Variants in FGD4 observed in about 807,000 individuals in gnomAD.
FGD4 encodes the protein FYVE, RhoGEF and PH domain containing 4, also known as FYVE, RhoGEF and PH domain-containing protein 4.
Under a neutral mutation model 102.0 loss-of-function variants are expected in FGD4, and 42 were observed. That is an observed-to-expected ratio of 0.41 (90% CI 0.32 to 0.53). FGD4 has a LOEUF of 0.53. Ranked by LOEUF, FGD4 falls within the 20% of genes least tolerant of loss-of-function variation. The pLI is 0.21. For synonymous variants in FGD4, 380 were observed against 375.7 expected (o/e 1.01, Z -0.13); for missense variants, 902 against 1,078.2 (o/e 0.84, Z 2.29).
intron 1 of FGD4, among the ~76,000 whole-genome samples, chr12:32,419,905 C>T (rs976085251): frequency 3.3e-5 from 5 of 151,558 alleles, no homozygotes; most frequent in African/African-American, 4.9e-5. Context: ...CTCCCAAAAG[C>T]ACAAAATCTG....
At chr12:32,598,868 A>G (rs971561091) in intron 5 of FGD4, among the ~76,000 whole-genome samples, 1 of 152,156 alleles carries the variant, frequency 6.6e-6, no homozygotes, top group African/African-American at 2.4e-5. Flanking sequence ...CTGACCTTTC[A>G]TTGTCATCCT....
At chr12:32,413,462 G>A (rs1298178880) in intron 1 of FGD4, among the ~76,000 whole-genome samples, 1 of 152,086 alleles carries the variant, frequency 6.6e-6, no homozygotes, top group Non-Finnish European at 1.5e-5. Context: ...TAGCAGTATT[G>A]GTAATTTTCA....
At chr12:32,501,218 A>G (rs537977297) in intron 1 of FGD4, among the ~76,000 whole-genome samples, 1 of 152,304 alleles carries the variant, frequency 6.6e-6, no homozygotes, top group African/African-American at 2.4e-5. Context: ...CACCTGGCTA[A>G]TTTTTAAAAA....
chr12:32,467,122 A>C (rs1370226364), intron 1 of FGD4, among the ~76,000 whole-genome samples: 13 of 152,202 alleles, frequency 8.5e-5, no homozygotes, highest in Non-Finnish European at 1.8e-4. Flanking sequence ...AAACAGTTAC[A>C]AATGCAAAGA....
intron 5 of FGD4, among the ~76,000 whole-genome samples, chr12:32,599,418 C>T (rs528496757): frequency 8.4e-6 from 1 of 119,064 alleles, no homozygotes; most frequent in African/African-American, 3.8e-5. Context: ...GGCGTGAACC[C>T]GGGAGGCGGA....
At chr12:32,414,265 C>G (rs1941317854) in intron 1 of FGD4, among the ~76,000 whole-genome samples, 1 of 152,048 alleles carries the variant, frequency 6.6e-6, no homozygotes, top group Admixed American at 6.6e-5. Flanking sequence ...TGCCACCGCA[C>G]CCAGCCTACT....
At chr12:32,526,385 G>A (rs1373160137) in intron 1 of FGD4, among the ~76,000 whole-genome samples, 2 of 152,208 alleles carry the variant, frequency 1.3e-5, no homozygotes, top group Non-Finnish European at 2.9e-5. Flanking sequence ...CAAGGTTTGT[G>A]AATGCACCAA....
chr12:32,594,647 A>C (rs1207796204), intron 4 of FGD4, among the ~76,000 whole-genome samples: 1 of 152,174 alleles, frequency 6.6e-6, no homozygotes, highest in Non-Finnish European at 1.5e-5. Flanking sequence ...GGGTTACATT[A>C]TCACATGCAT....
intron 1 of FGD4, among the ~76,000 whole-genome samples, chr12:32,405,467 C>G (rs1282431170): frequency 6.6e-5 from 10 of 150,588 alleles, no homozygotes; most frequent in Non-Finnish European, 1.3e-4. Context: ...CCAAGTTGGT[C>G]AGGCTGGTCT....
intron 2 of FGD4, among the ~76,000 whole-genome samples, chr12:32,572,068 G>A (rs1353874942): frequency 2.0e-5 from 3 of 150,396 alleles, no homozygotes; most frequent in East Asian, 1.9e-4. Context: ...ATCTGTGTGC[G>A]TGCGTGTGTG....
intron 1 of FGD4, among the ~76,000 whole-genome samples, chr12:32,450,648 A>G (rs1942749019): frequency 6.6e-6 from 1 of 152,186 alleles, no homozygotes; most frequent in Non-Finnish European, 1.5e-5. Context: ...GCTAAGTATG[A>G]TCAAAGGTTG....
chr12:32,547,195 TG>T lies in FGD4; in HGVS notation c.167-16939del, dbSNP rs1369739269. ...GCTCAGATCTGTAATTCCAGCACTTTGGGAGGCCAAGGCAGGAGGATCACTA... is the reference window on the plus strand; with the variant it reads ...GCTCAGATCTGTAATTCCAGCACTTTGGAGGCCAAGGCAGGAGGATCACTA... On this transcript the variant is annotated intron_variant, in intron 1 of 16. Transcript: ENST00000534526. Among the ~76,000 whole-genome samples, 10 of 152,124 alleles carry T rather than the reference TG, an allele frequency of 6.6e-5. No individual in the cohort carries two copies. The East Asian group carries it at 1.2e-3, about 18-fold the overall frequency.
chr12:32,494,972 GT>G (rs1472990806), intron 1 of FGD4, among the ~76,000 whole-genome samples: 2 of 152,128 alleles, frequency 1.3e-5, no homozygotes, highest in Non-Finnish European at 2.9e-5. Flanking sequence ...GAGCCAAGAG[GT>G]TTTTTTGTAA....
At chr12:32,467,788 G>C (rs1943302757) in intron 1 of FGD4, among the ~76,000 whole-genome samples, 2 of 152,142 alleles carry the variant, frequency 1.3e-5, no homozygotes, top group African/African-American at 4.8e-5. Flanking sequence ...GGCCAAGGCG[G>C]GCAGATCACC....
intron 10 of FGD4, among the ~76,000 whole-genome samples, chr12:32,616,661 C>G (rs895885919): frequency 1.3e-5 from 2 of 152,140 alleles, no homozygotes; most frequent in African/African-American, 4.8e-5. Context: ...TTTCTGTTTC[C>G]TACACTTGAG....
At chr12:32,634,944 C>T (rs189714187) in intron 15 of FGD4, among the ~76,000 whole-genome samples, 35 of 151,962 alleles carry the variant, frequency 2.3e-4, no homozygotes, top group Middle Eastern at 3.4e-3. Context: ...GCCAAGATTG[C>T]GCCACTGCAC....
Position 32,633,681 on chromosome 12 carries a change from AT to A in FGD4, c.2309del (p.Leu770Ter). ...CAGTGAAGAAAAGAAAAGAAAAGGA[AT>A]TTTAGAGGTAAGAAATATTAAATAT... ...TDSEEKKRKG[I>X]LEIESAEVSG... On this transcript the variant is annotated frameshift_variant, in exon 15 of 17. Transcript: ENST00000534526. LOFTEE classifies it high-confidence loss of function. 1.3e-6 allele frequency: 2 copies of A among 1,595,778 alleles called. No homozygotes were observed. Among genetic ancestry groups the A allele is most frequent in the Non-Finnish European group, 1.7e-6 (2 of 1,163,918 alleles).
At chr12:32,611,750 G>C (rs559060907) in intron 10 of FGD4, among the ~76,000 whole-genome samples, 2 of 152,202 alleles carry the variant, frequency 1.3e-5, no homozygotes, top group African/African-American at 4.8e-5. Flanking sequence ...TCTAAGTAAC[G>C]TATTTTTCTG....
intron 1 of FGD4, among the ~76,000 whole-genome samples, chr12:32,519,110 C>A (rs1305992124): frequency 7.1e-6 from 1 of 140,900 alleles, no homozygotes; most frequent in Non-Finnish European, 1.5e-5. Flanking sequence ...AAGCAAAACT[C>A]CGTCTCAGGA....
Sources: gnomAD v4.1 joint callset for allele counts (sites outside exome capture counted in the v4.1 genomes callset) on GRCh38, gnomAD v4.1.1 for gene constraint, MANE v1.5 for transcripts, NCBI Gene and HGNC (gene_info 2026-07-23, HGNC 2026-07-21) for gene names.